The following RANBP17 variants were observed in gnomAD, a reference collection of about 807,000 sequenced individuals.
The protein encoded by RANBP17 is ran-binding protein 17.
A neutral mutation model predicts 141.2 loss-of-function variants in RANBP17; 158 were observed. The ratio of observed to expected loss-of-function variants is 1.12; its 90% CI spans 0.98 to 1.28. The LOEUF is 1.28. Ranked by LOEUF, RANBP17 falls within the 50% of genes most tolerant of loss-of-function variation. RANBP17 has a pLI of 0.00. For synonymous variants in RANBP17, 430 were observed against 450.0 expected (o/e 0.96, Z 0.56); for missense variants, 1,438 against 1,290.7 (o/e 1.11, Z -1.75).
chr5:170,950,383 A>G (rs968963265), intron 12 of RANBP17, among the ~76,000 whole-genome samples: 3 of 151,686 alleles, frequency 2.0e-5, no homozygotes, highest in African/African-American at 7.3e-5. Context: ...TAAAAAAAAC[A>G]AAAACAAAAA....
chr5:171,102,623 A>G (rs1455008250), intron 14 of RANBP17, among the ~76,000 whole-genome samples: 3 of 151,848 alleles, frequency 2.0e-5, no homozygotes, highest in Non-Finnish European at 4.4e-5. Context: ...TCTCTGTCCA[A>G]TTTAGTTCCT....
chr5:170,888,195 T>C (rs1354623774), intron 3 of RANBP17, among the ~76,000 whole-genome samples: 1 of 152,246 alleles, frequency 6.6e-6, no homozygotes, highest in Non-Finnish European at 1.5e-5. Flanking sequence ...GGTATTGTGT[T>C]GGCTTTTGCC....
chr5:171,161,589 T>A (rs1410304287), intron 14 of RANBP17: 1 of 176,758 alleles, frequency 5.7e-6, no homozygotes, highest in Non-Finnish European at 1.2e-5. Flanking sequence ...GCATGCATTG[T>A]CTTCATTCCC....
intron 14 of RANBP17, among the ~76,000 whole-genome samples, chr5:171,115,478 A>C (rs1420454046): frequency 6.6e-6 from 1 of 152,218 alleles, no homozygotes; most frequent in African/African-American, 2.4e-5. Flanking sequence ...ACATGTGATC[A>C]TCAAAAAGAA....
intron 14 of RANBP17, among the ~76,000 whole-genome samples, chr5:171,064,798 G>A (rs1295043981): frequency 6.6e-6 from 1 of 151,814 alleles, no homozygotes; most frequent in Non-Finnish European, 1.5e-5. Context: ...TGGGATTACA[G>A]ACATGAGTGA....
At chr5:170,896,983 T>C in intron 5 of RANBP17, 1 of 1,077,394 alleles carries the variant, frequency 9.3e-7, no homozygotes, top group Non-Finnish European at 1.4e-6. Context: ...GATTGGCTGC[T>C]GCTTCTGGGA....
rs562609425 is a variant in RANBP17 at position 171,191,480 on chromosome 5, G to A, written c.2038+8050G>A. ...GAGGCAGGCGGATCACGAGGTAGGA[G>A]ATCGAGACCATCCTGGCTAACATGG... On this transcript the variant is annotated intron_variant, in intron 18 of 27. Transcript: ENST00000523189. 4.6e-5 allele frequency among the ~76,000 whole-genome samples: 7 copies of A among 152,236 alleles called. No homozygotes were observed. The South Asian group carries it at 8.3e-4, about 18-fold the overall frequency.
intron 14 of RANBP17, among the ~76,000 whole-genome samples, chr5:171,069,024 C>G (rs1051177005): frequency 1.3e-5 from 2 of 152,164 alleles, no homozygotes; most frequent in African/African-American, 4.8e-5. Flanking sequence ...ACTGAGGTCT[C>G]TATTTCATAT....
intron 14 of RANBP17, among the ~76,000 whole-genome samples, chr5:171,062,931 C>G (rs1262327176): frequency 6.6e-6 from 1 of 152,058 alleles, no homozygotes; most frequent in Non-Finnish European, 1.5e-5. Context: ...CACTGATACC[C>G]TTTCTTCCAG....
chr5:171,147,281 A>G (rs1758091538), intron 14 of RANBP17, among the ~76,000 whole-genome samples: 1 of 150,134 alleles, frequency 6.7e-6, no homozygotes, highest in Admixed American at 6.6e-5. Context: ...GCTGAAGTCT[A>G]AAAAAAAACA....
intron 25 of RANBP17, among the ~76,000 whole-genome samples, chr5:171,267,575 A>C (rs1766807178): frequency 6.6e-6 from 1 of 152,118 alleles, no homozygotes; most frequent in African/African-American, 2.4e-5. Context: ...TTGGGAGGCC[A>C]AGGCAGGTGG....
intron 12 of RANBP17, among the ~76,000 whole-genome samples, chr5:170,941,159 A>C (rs1213460706): frequency 6.6e-6 from 1 of 152,144 alleles, no homozygotes. Context: ...GAAAAGAAAA[A>C]AGGCCAGAAT....
intron 14 of RANBP17, among the ~76,000 whole-genome samples, chr5:171,159,945 A>C (rs1043829074): frequency 7.9e-5 from 12 of 151,106 alleles, no homozygotes; most frequent in East Asian, 7.7e-4. Flanking sequence ...AAAAAAAGAA[A>C]AAAGAAGAAA....
At chr5:171,137,672 T>G (rs1455054753) in intron 14 of RANBP17, among the ~76,000 whole-genome samples, 1 of 150,754 alleles carries the variant, frequency 6.6e-6, no homozygotes, top group Non-Finnish European at 1.5e-5. Context: ...AAAATAATCT[T>G]TCTCTTTTCA....
At chr5:170,971,675 C>G (rs1581273108) in intron 14 of RANBP17, among the ~76,000 whole-genome samples, 1 of 152,200 alleles carries the variant, frequency 6.6e-6, no homozygotes, top group Non-Finnish European at 1.5e-5. Context: ...TTTTGTACCT[C>G]TTGTATCCAA....
chr5:171,091,600 G>C (rs1366721769), intron 14 of RANBP17, among the ~76,000 whole-genome samples: 1 of 152,162 alleles, frequency 6.6e-6, no homozygotes, highest in Non-Finnish European at 1.5e-5. Flanking sequence ...ATATGGTTTG[G>C]CTGTGTCCCC....
Position 171,242,838 on chromosome 5 carries a change from C to T in RANBP17, c.2776+18C>T. On this transcript the variant is annotated intron_variant, in intron 24 of 27. Coordinates refer to ENST00000523189, the MANE Select transcript of RANBP17 (RefSeq NM_022897.5). Reference sequence around the variant, plus strand: ...TACTCTTGGTAAGGATCATAGAGGACATTGTTTCCATAGGAAAAACTTGAT... The same window carrying T: ...TACTCTTGGTAAGGATCATAGAGGATATTGTTTCCATAGGAAAAACTTGAT... The T allele has an allele frequency of 6.2e-7, 1 of 1,610,390 alleles. No homozygotes were observed.
rs538580387 is a variant in RANBP17, at chr5:171,187,365, G to A, written c.2038+3935G>A. On this transcript the variant is annotated intron_variant, in intron 18 of 27. Coordinates refer to ENST00000523189, the MANE Select transcript of RANBP17 (RefSeq NM_022897.5). Reference sequence around the variant, plus strand: ...TTATCAAAATGTGGCCCAGAAACACGAAGTAGGTTCATGATGTTGGCAGAA... The same window carrying A: ...TTATCAAAATGTGGCCCAGAAACACAAAGTAGGTTCATGATGTTGGCAGAA... Among the ~76,000 whole-genome samples, 54 of 152,006 alleles carry A rather than the reference G, an allele frequency of 3.6e-4. 1 individual carries two copies. In the South Asian group the frequency reaches 0.011, roughly 31 times the overall value.
intron 7 of RANBP17, chr5:170,911,400 G>T: frequency 1.7e-6 from 1 of 581,002 alleles, no homozygotes; most frequent in Non-Finnish European, 3.1e-6. Flanking sequence ...GGAAAGTCAA[G>T]AGCTATGATT....
Sources: gnomAD v4.1 joint callset for allele counts (sites outside exome capture counted in the v4.1 genomes callset) on GRCh38, gnomAD v4.1.1 for gene constraint, MANE v1.5 for transcripts, NCBI Gene and HGNC (gene_info 2026-07-23, HGNC 2026-07-21) for gene names.